Variants in GPC6 observed in about 807,000 individuals in gnomAD.
GPC6 encodes glypican 6, also known as glypican-6.
In GPC6, 14 loss-of-function variants were observed where a neutral mutation model predicts 55.2. That is an observed-to-expected ratio of 0.25 (90% CI 0.17 to 0.40). GPC6 has a LOEUF of 0.40. Among genes scored for constraint, GPC6 ranks in the 10% least tolerant of loss-of-function variants. The pLI is 1.00. For synonymous variants in GPC6, 278 were observed against 259.6 expected (o/e 1.07, Z -0.68); for missense variants, 641 against 708.5 (o/e 0.90, Z 1.08).
chr13:93,532,659 C>T (rs1203846103), intron 1 of GPC6, among the ~76,000 whole-genome samples: 1 of 152,132 alleles, frequency 6.6e-6, no homozygotes, highest in East Asian at 1.9e-4. Context: ...CTTGATTATT[C>T]TGATCACACC....
intron 1 of GPC6, among the ~76,000 whole-genome samples, chr13:93,334,356 T>C (rs1050501121): frequency 6.6e-5 from 10 of 152,194 alleles, no homozygotes; most frequent in African/African-American, 2.4e-4. Flanking sequence ...ATCATAGAAT[T>C]GACTAATCAA....
Position 93,845,139 on chromosome 13 carries a change from C to G in GPC6, c.711+14594C>G, listed in dbSNP as rs538036247. ...ACTTGGCGATGCGGGCTCTTTTTTG[C>G]TTCCATATGAACTTTAAAGTAGTTT... On this transcript the variant is annotated intron_variant, in intron 3 of 8. Transcript: ENST00000377047. Among the ~76,000 whole-genome samples the G allele has an allele frequency of 2.6e-4, 39 of 152,112 alleles. 1 individual carries two copies. Among genetic ancestry groups the G allele is most frequent in the South Asian group, 6.2e-4 (3 of 4,818 alleles).
At chr13:94,160,073 C>A (rs145299404) in intron 4 of GPC6, among the ~76,000 whole-genome samples, 1 of 152,058 alleles carries the variant, frequency 6.6e-6, no homozygotes, top group Non-Finnish European at 1.5e-5. Flanking sequence ...TTCTTATAGC[C>A]AATCATGGTC....
chr13:93,496,251 A>G (rs1332077862), intron 1 of GPC6, among the ~76,000 whole-genome samples: 1 of 152,160 alleles, frequency 6.6e-6, no homozygotes. Context: ...AGCTGGTCTG[A>G]AAAGCACAAT....
At chr13:93,698,258 G>C (rs1221281962) in intron 2 of GPC6, among the ~76,000 whole-genome samples, 1 of 152,010 alleles carries the variant, frequency 6.6e-6, no homozygotes, top group Non-Finnish European at 1.5e-5. Flanking sequence ...GTTTTGCTTA[G>C]GAATGGCTTA....
At chr13:93,335,230 T>G (rs1880005749) in intron 1 of GPC6, among the ~76,000 whole-genome samples, 1 of 152,246 alleles carries the variant, frequency 6.6e-6, no homozygotes, top group Non-Finnish European at 1.5e-5. Flanking sequence ...CCTGTTACGT[T>G]ATAGAATATA....
At chr13:93,548,001 C>G (rs890697838) in intron 2 of GPC6, among the ~76,000 whole-genome samples, 1 of 152,168 alleles carries the variant, frequency 6.6e-6, no homozygotes, top group Admixed American at 6.5e-5. Flanking sequence ...CCCAAATACT[C>G]TCTCATGTCA....
At chr13:93,499,037 T>C (rs1880416239) in intron 1 of GPC6, among the ~76,000 whole-genome samples, 1 of 152,050 alleles carries the variant, frequency 6.6e-6, no homozygotes. Flanking sequence ...ATTCTGGAAA[T>C]GTATTTGAGT....
chr13:94,118,982 T>C (rs1458354939), intron 4 of GPC6, among the ~76,000 whole-genome samples: 1 of 119,820 alleles, frequency 8.3e-6, no homozygotes, highest in Non-Finnish European at 1.7e-5. Context: ...TCCTGGCCTG[T>C]ATATACATTA....
chr13:93,988,199 T>C (rs1241116061), intron 3 of GPC6, among the ~76,000 whole-genome samples: 1 of 152,178 alleles, frequency 6.6e-6, no homozygotes, highest in Non-Finnish European at 1.5e-5. Context: ...TAAAAAGTTT[T>C]CTAGGTGATT....
chr13:93,806,160 A>C (rs1450845152), intron 2 of GPC6, among the ~76,000 whole-genome samples: 4 of 152,196 alleles, frequency 2.6e-5, no homozygotes, highest in African/African-American at 9.6e-5. Flanking sequence ...CCTTGAGATC[A>C]CTTGGAAAAT....
chr13:93,864,937 T>C (rs760897529), intron 3 of GPC6, among the ~76,000 whole-genome samples: 4 of 151,736 alleles, frequency 2.6e-5, no homozygotes, highest in Non-Finnish European at 4.4e-5. Flanking sequence ...TATTCAAATT[T>C]TGTGTAAAGA....
intron 1 of GPC6, among the ~76,000 whole-genome samples, chr13:93,468,551 T>C (rs1441988013): frequency 6.6e-6 from 1 of 151,942 alleles, no homozygotes; most frequent in Non-Finnish European, 1.5e-5. Flanking sequence ...TTAATTAGCT[T>C]TCCAGAGTAC....
At chr13:93,257,099 G>A (rs1002930591) in intron 1 of GPC6, among the ~76,000 whole-genome samples, 3 of 152,092 alleles carry the variant, frequency 2.0e-5, no homozygotes, top group Admixed American at 6.6e-5. Flanking sequence ...AAGGCTAGGA[G>A]TTCGAGACCA....
intron 2 of GPC6, among the ~76,000 whole-genome samples, chr13:93,829,242 C>T (rs1887391926): frequency 6.6e-6 from 1 of 152,212 alleles, no homozygotes; most frequent in South Asian, 2.1e-4. Context: ...CTTGCTCTAC[C>T]CAAGCTTATT....
chr13:93,333,531 ATTTTTT>A (rs35057548), intron 1 of GPC6, among the ~76,000 whole-genome samples: 2 of 130,618 alleles, frequency 1.5e-5, no homozygotes, highest in Non-Finnish European at 1.6e-5. Context: ...ATGCTATTGA[ATTTTTT>A]TTTTTTTTTT....
chr13:93,432,304 G>A (rs12860734), intron 1 of GPC6, among the ~76,000 whole-genome samples: 37,029 of 151,942 alleles, frequency 0.24, 4,488 homozygotes, highest in Middle Eastern at 0.29. Flanking sequence ...CTCTCTCTCC[G>A]GCCAACTCTT....
At chr13:93,296,026 A>C (rs1191523442) in intron 1 of GPC6, among the ~76,000 whole-genome samples, 1 of 152,080 alleles carries the variant, frequency 6.6e-6, no homozygotes, top group African/African-American at 2.4e-5. Flanking sequence ...CATTTATGGG[A>C]GGTCTACCCT....
chr13:94,338,324 G>T (rs1301780097), intron 6 of GPC6, among the ~76,000 whole-genome samples: 8 of 152,122 alleles, frequency 5.3e-5, no homozygotes, highest in Admixed American at 2.0e-4. Flanking sequence ...AATGCAAATG[G>T]GGACAGAGAA....
Sources: allele counts gnomAD v4.1 joint callset (sites outside exome capture counted in the v4.1 genomes callset), GRCh38; gene constraint gnomAD v4.1.1; transcripts MANE v1.5; gene names NCBI Gene and HGNC (gene_info 2026-07-23, HGNC 2026-07-21).